LRRTM4: variants seen among roughly 807,000 people sequenced by gnomAD.
The protein encoded by LRRTM4 is leucine-rich repeat transmembrane neuronal protein 4.
LRRTM4 carries 25 observed loss-of-function variants against 47.6 expected under a neutral mutation model. That is an observed-to-expected ratio of 0.53 (90% confidence interval 0.38 to 0.73). LRRTM4 has a LOEUF of 0.73. LRRTM4 is among the 30% of genes least tolerant of loss of function. LRRTM4 has a pLI of 0.00. For synonymous variants in LRRTM4, 311 were observed against 269.5 expected (o/e 1.15, Z -1.51); for missense variants, 638 against 713.4 (o/e 0.89, Z 1.20).
At chr2:76,864,143 A>C (rs953636924) in intron 3 of LRRTM4, among the ~76,000 whole-genome samples, 2 of 152,150 alleles carry the variant, frequency 1.3e-5, no homozygotes, top group Non-Finnish European at 2.9e-5. Flanking sequence ...GCCTTTCTCC[A>C]GTATTTTAAT....
chr2:76,846,211 G>A (rs1671832581), intron 3 of LRRTM4, among the ~76,000 whole-genome samples: 1 of 152,066 alleles, frequency 6.6e-6, no homozygotes, highest in Non-Finnish European at 1.5e-5. Flanking sequence ...AGAGACCAGA[G>A]TGATGTAAGC....
At chr2:77,098,661 A>G (rs1317547151) in intron 3 of LRRTM4, among the ~76,000 whole-genome samples, 6 of 151,858 alleles carry the variant, frequency 4.0e-5, no homozygotes, top group African/African-American at 1.4e-4. Flanking sequence ...GATCATATTT[A>G]AAGACTTCTG....
At chr2:76,989,978 T>G (rs951017751) in intron 3 of LRRTM4, 15 of 151,782 alleles carry the variant, frequency 9.9e-5, no homozygotes, top group African/African-American at 3.4e-4. Context: ...TATGTTTAAA[T>G]ATCTAATAGG....
chr2:77,397,770 A>ACTC (rs1673759381), intron 3 of LRRTM4, among the ~76,000 whole-genome samples: 1 of 151,912 alleles, frequency 6.6e-6, no homozygotes, highest in Non-Finnish European at 1.5e-5. Flanking sequence ...CAGTAAATTT[A>ACTC]AAAAGTGATA....
At chr2:77,039,736 C>A (rs1012830702) in intron 3 of LRRTM4, among the ~76,000 whole-genome samples, 1 of 151,022 alleles carries the variant, frequency 6.6e-6, no homozygotes, top group African/African-American at 2.4e-5. Context: ...TCATGTTAGT[C>A]ATTTCTAAGA....
At chr2:77,499,797 CTA>C (rs1678503625) in intron 3 of LRRTM4, among the ~76,000 whole-genome samples, 1 of 151,804 alleles carries the variant, frequency 6.6e-6, no homozygotes, top group South Asian at 2.1e-4. Flanking sequence ...TGTGTACCAT[CTA>C]TGTTACTTAC....
At chr2:76,871,895 G>A (rs763713575) in intron 3 of LRRTM4, among the ~76,000 whole-genome samples, 3 of 152,188 alleles carry the variant, frequency 2.0e-5, no homozygotes, top group Non-Finnish European at 4.4e-5. Context: ...GCAAGGAAGT[G>A]AATCCTTTCA....
intron 3 of LRRTM4, among the ~76,000 whole-genome samples, chr2:77,455,549 A>G (rs1473043544): frequency 6.6e-6 from 1 of 151,768 alleles, no homozygotes; most frequent in Non-Finnish European, 1.5e-5. Flanking sequence ...TATACCTCTC[A>G]CTCTCCATTT....
chr2:77,149,111 C>T (rs1033534420), intron 3 of LRRTM4, among the ~76,000 whole-genome samples: 11 of 152,076 alleles, frequency 7.2e-5, no homozygotes, highest in Admixed American at 2.0e-4. Context: ...GACCACTAGA[C>T]GCACATGGCC....
rs755851446 is a variant in LRRTM4, at chr2:77,351,514, C to T, written c.1551+166804G>A. On this transcript the variant is annotated intron_variant, in intron 3 of 3. Transcript: ENST00000409884. ...CTGATCCATGGAATATTAAAGACTA[C>T]GCAGAAATAAACCAAATGATTTGGA... 3.0e-4 allele frequency among the ~76,000 whole-genome samples: 45 copies of T among 151,244 alleles called. 1 individual carries two copies. In the Middle Eastern group the frequency reaches 0.011, roughly 36 times the overall value.
At chr2:77,404,832 A>T (rs539023721) in intron 3 of LRRTM4, among the ~76,000 whole-genome samples, 1 of 152,224 alleles carries the variant, frequency 6.6e-6, no homozygotes, top group African/African-American at 2.4e-5. Context: ...AAAAATGGCC[A>T]CAGGGAACTT....
chr2:77,069,115 G>A (rs1680061715), intron 3 of LRRTM4, among the ~76,000 whole-genome samples: 2 of 151,968 alleles, frequency 1.3e-5, no homozygotes, highest in Middle Eastern at 3.2e-3. Flanking sequence ...ATCTCTATTC[G>A]AGGCTTTCAA....
intron 3 of LRRTM4, among the ~76,000 whole-genome samples, chr2:76,802,830 A>G (rs56341225): frequency 0.16 from 23,889 of 152,102 alleles, 2,026 homozygotes; most frequent in African/African-American, 0.2. Flanking sequence ...TGACAAAGGG[A>G]CCAAGAATTC....
chr2:77,224,673 C>T, intron 3 of LRRTM4, among the ~76,000 whole-genome samples: 1 of 152,134 alleles, frequency 6.6e-6, no homozygotes. Flanking sequence ...TACCATCTCA[C>T]ACCAGTTAGA....
chr2:77,450,540 G>T (rs908216113), intron 3 of LRRTM4, among the ~76,000 whole-genome samples: 1 of 152,008 alleles, frequency 6.6e-6, no homozygotes, highest in Non-Finnish European at 1.5e-5. Flanking sequence ...GCTGAATAAA[G>T]ATAAAGTGTA....
At chr2:77,304,096 T>C (rs182050249) in intron 3 of LRRTM4, among the ~76,000 whole-genome samples, 1 of 152,296 alleles carries the variant, frequency 6.6e-6, no homozygotes, top group African/African-American at 2.4e-5. Flanking sequence ...GGTTCCTTTT[T>C]CTCCATCAAT....
chr2:77,477,343 A>G (rs1476227565), intron 3 of LRRTM4, among the ~76,000 whole-genome samples: 1 of 152,204 alleles, frequency 6.6e-6, no homozygotes, highest in African/African-American at 2.4e-5. Flanking sequence ...AAATACTCTC[A>G]TGCTGGCTAA....
chr2:77,306,734 T>C (rs1677282883), intron 3 of LRRTM4, among the ~76,000 whole-genome samples: 1 of 151,594 alleles, frequency 6.6e-6, no homozygotes, highest in Non-Finnish European at 1.5e-5. Context: ...CTGTTTTTCC[T>C]CCTCTCAATC....
intron 3 of LRRTM4, among the ~76,000 whole-genome samples, chr2:76,918,335 G>T (rs184106904): frequency 6.6e-6 from 1 of 152,264 alleles, no homozygotes; most frequent in African/African-American, 2.4e-5. Flanking sequence ...TTTACTTGAG[G>T]TGTAATCAAA....
Sources: gnomAD v4.1 joint callset for allele counts (sites outside exome capture counted in the v4.1 genomes callset) on GRCh38, gnomAD v4.1.1 for gene constraint, MANE v1.5 for transcripts, NCBI Gene and HGNC (gene_info 2026-07-23, HGNC 2026-07-21) for gene names.